Variants in TTYH2 observed in about 807,000 individuals in gnomAD.
The protein encoded by TTYH2 is tweety family member 2, also known as protein tweety homolog 2.
A neutral mutation model predicts 68.3 loss-of-function variants in TTYH2; 49 were observed. The ratio of observed to expected loss-of-function variants is 0.72; its 90% CI spans 0.57 to 0.91. The LOEUF is 0.91. Ranked by LOEUF, TTYH2 falls within the 40% of genes least tolerant of loss-of-function variation. TTYH2 has a pLI of 0.00. For synonymous variants in TTYH2, 272 were observed against 300.8 expected, an observed-to-expected ratio of 0.90 and a Z score of 0.99; for missense variants, 631 against 700.4, an observed-to-expected ratio of 0.90 and a Z score of 1.12.
intron 2 of TTYH2, among the ~76,000 whole-genome samples, chr17:74,226,667 G>A (rs189999440): frequency 7.5e-4 from 114 of 152,236 alleles, no homozygotes; most frequent in Non-Finnish European, 1.3e-3. Context: ...ACCTGAAAGC[G>A]GGGGATTGAA....
At chr17:74,240,958 T>C (rs1464057433) in intron 4 of TTYH2, 1 of 152,248 alleles carries the variant, frequency 6.6e-6, no homozygotes, top group Non-Finnish European at 1.5e-5. Flanking sequence ...TTCCTGCTGC[T>C]CTGCAGAGCG....
At position 74,239,522 on chromosome 17, in the gene TTYH2, A is replaced by G. The variant is rs2050478355; in HGVS notation, c.635+2008A>G. Among the ~76,000 whole-genome samples, 1 of 152,170 alleles carries G rather than the reference A, an allele frequency of 6.6e-6. No homozygotes were observed. The highest frequency in any genetic ancestry group is 6.5e-5 in the Admixed American group (1 of 15,280). ...CCCTTGTGTCATAAAGCCCCACTCC[A>G]GGAGGTCACTGCTGGACTGAGTCCA... On this transcript the variant is annotated intron_variant, in intron 4 of 13. Coordinates refer to ENST00000269346, the MANE Select transcript of TTYH2 (RefSeq NM_032646.6). This position sits in a 1 kb window ranked among gnomAD's most constrained non-coding sequence, Gnocchi z 5.3.
At chr17:74,248,574 G>A in intron 6 of TTYH2, 1 of 1,028,870 alleles carries the variant, frequency 9.7e-7, no homozygotes, top group Non-Finnish European at 1.2e-6. Context: ...CTTGATCATA[G>A]CAAGACAAAA....
At chr17:74,243,212 C>T (rs547365274) in intron 4 of TTYH2, among the ~76,000 whole-genome samples, 162 bp from the exon 5 acceptor site, 35 of 152,200 alleles carry the variant, frequency 2.3e-4, no homozygotes, top group South Asian at 1.0e-3. Context: ...GTGCAGCTCC[C>T]GAGGCTTCAG....
Position 74,258,297 on chromosome 17 carries a change from C to T in TTYH2, c.1525-1832C>T, listed in dbSNP as rs535019950. On this transcript the variant is annotated intron_variant, in intron 13 of 13. Transcript: ENST00000269346. ...TTTGTTTTTTTGAGACTGAGTTTCA[C>T]TCTTGTTGCCCAGGCTGGAGTGCAG... Among the ~76,000 whole-genome samples the T allele has an allele frequency of 7.9e-5, 12 of 152,014 alleles. 1 individual carries two copies. In the South Asian group the frequency reaches 2.3e-3, roughly 29 times the overall value.
Position 74,239,089 on chromosome 17 carries a change from G to A in TTYH2, c.635+1575G>A, listed in dbSNP as rs944222632. On this transcript the variant is annotated intron_variant, in intron 4 of 13. Transcript: ENST00000269346. The surrounding 1 kb of genome is among the most constrained non-coding windows in gnomAD (Gnocchi z 5.3). ...CTTAGGTGTACAAACTCATGCCCGT[G>A]TCATCTGACCTCTGGGGCTTTGTTT... 6.6e-6 allele frequency among the ~76,000 whole-genome samples: 1 copy of A among 152,102 alleles called. No homozygotes were observed. Among genetic ancestry groups the A allele is most frequent in the Admixed American group, 6.5e-5 (1 of 15,278 alleles).
At chr17:74,249,601 G>C (rs1409032332) in intron 8 of TTYH2, among the ~76,000 whole-genome samples, 1 of 152,216 alleles carries the variant, frequency 6.6e-6, no homozygotes. Context: ...CTCAATGCGG[G>C]AGCTAGTTCC....
At position 74,241,818 on chromosome 17, in the gene TTYH2, C is replaced by T. The variant is rs563709730; in HGVS notation, c.636-1556C>T. Among the ~76,000 whole-genome samples the T allele has an allele frequency of 3.3e-5, 5 of 152,326 alleles. No individual in the cohort carries two copies. Among genetic ancestry groups the T allele is most frequent in the Middle Eastern group, 3.4e-3 (1 of 294 alleles). On this transcript the variant is annotated intron_variant, in intron 4 of 13. Coordinates refer to ENST00000269346, the MANE Select transcript of TTYH2 (RefSeq NM_032646.6). The surrounding 1 kb of genome is among the most constrained non-coding windows in gnomAD (Gnocchi z 4.1). ...CCCGCCCCTCCTCTGTCCACTCTCC[C>T]GCTGGTGCCCAGCACAGGGTAAAGG... is the stretch of plus-strand genomic sequence containing the variant.
chr17:74,237,491 G>C lies in TTYH2; in HGVS notation c.612G>C (p.Gln204His). Residue 204 changes from glutamine to histidine, a missense_variant, in exon 4 of 14, where the codon CAG (glutamine) becomes CAC (histidine). Physicochemically the swap from Gln to His is conservative, Grantham distance 24. Transcript: ENST00000269346. ...VTMELTKLSD[Q>H]TGYVEYYRWL... is the part of the protein sequence containing the mutation. Reference sequence around the variant, plus strand: ...TGGAGCTGACCAAGCTATCCGACCAGACTGGCTACGTGGAGTACTACAGGT... The same window carrying C: ...TGGAGCTGACCAAGCTATCCGACCACACTGGCTACGTGGAGTACTACAGGT... The C allele has an allele frequency of 6.2e-7, 1 of 1,613,214 alleles. No homozygotes were observed. The highest frequency in any genetic ancestry group is 8.5e-7 in the Non-Finnish European group (1 of 1,179,402).
intron 10 of TTYH2, 70 bp downstream of exon 10, chr17:74,250,427 G>A (rs2050610387): frequency 7.6e-7 from 1 of 1,309,308 alleles, no homozygotes; most frequent in Admixed American, 2.1e-5. Flanking sequence ...CCAGAGAAAA[G>A]CCGGTAGAGG....
chr17:74,233,462 A>G (rs1205250423), intron 3 of TTYH2, among the ~76,000 whole-genome samples: 1 of 152,218 alleles, frequency 6.6e-6, no homozygotes, highest in African/African-American at 2.4e-5. Context: ...GCTATTAATT[A>G]CTGTAATCAC....
At chr17:74,228,782 C>G (rs2050358233) in intron 2 of TTYH2, among the ~76,000 whole-genome samples, 1 of 152,186 alleles carries the variant, frequency 6.6e-6, no homozygotes, top group South Asian at 2.1e-4. Context: ...CCCTGCTGCG[C>G]TCAGAGCTGA....
At chr17:74,254,403 G>C (rs2050672171) in intron 13 of TTYH2, among the ~76,000 whole-genome samples, 1 of 152,098 alleles carries the variant, frequency 6.6e-6, no homozygotes, top group Non-Finnish European at 1.5e-5. Context: ...TCTGACCTCA[G>C]GTGATCCACC....
Position 74,215,524 on chromosome 17 carries a change from C to G in TTYH2, c.129+1808C>G, listed in dbSNP as rs546362302. ...CCCCGGCTCACTTTGTGCTGGGCATCAAATGGTTCCAGAGGGTGTCCCTTC... is the reference window on the plus strand; with the variant it reads ...CCCCGGCTCACTTTGTGCTGGGCATGAAATGGTTCCAGAGGGTGTCCCTTC... On this transcript the variant is annotated intron_variant, in intron 1 of 13. Transcript: ENST00000269346. The surrounding 1 kb of genome is among the most constrained non-coding windows in gnomAD (Gnocchi z 4.3). 7.9e-5 allele frequency: 85 copies of G among 1,073,276 alleles called. No individual in the cohort carries two copies. The highest frequency in any genetic ancestry group is 1.0e-4 in the Non-Finnish European group (76 of 753,894). 66.5% of individuals were successfully genotyped at this position (1,073,276 alleles called of 1,614,324 possible). A position where few individuals can be genotyped will look rare whatever the true frequency, so the allele number is the denominator to read the frequency against.
At chr17:74,244,864 G>A (rs944016166) in intron 6 of TTYH2, among the ~76,000 whole-genome samples, 2 of 111,048 alleles carry the variant, frequency 1.8e-5, no homozygotes, top group African/African-American at 6.4e-5. Context: ...CAGTGTGTGT[G>A]TGTGTGTGTG....
chr17:74,260,496 C>T lies in TTYH2; in HGVS notation c.*287C>T. 2 of 448,942 alleles carry T rather than the reference C, an allele frequency of 4.5e-6. No homozygotes were observed. Among genetic ancestry groups the T allele is most frequent in the South Asian group, 4.7e-5 (2 of 42,510 alleles). 27.8% of individuals were successfully genotyped at this position (448,942 alleles called of 1,614,324 possible). A position where few individuals can be genotyped will look rare whatever the true frequency, so the allele number is the denominator to read the frequency against. On this transcript the variant is annotated 3_prime_UTR_variant, in exon 14 of 14. Coordinates refer to ENST00000269346, the MANE Select transcript of TTYH2 (RefSeq NM_032646.6). ...GCTGGCTGCCTGGCCCTGCTCACCC[C>T]TACGCCTCGCCCTTGCCAGGAGGGG...
At chr17:74,260,083 C>A in intron 13 of TTYH2, 46 bp from the exon 14 acceptor site, 1 of 1,576,460 alleles carries the variant, frequency 6.3e-7, no homozygotes, top group Non-Finnish European at 8.7e-7. Flanking sequence ...TGGTGCAGTG[C>A]TTGGCTGACT....
At chr17:74,220,753 T>C (rs934075360) in intron 1 of TTYH2, among the ~76,000 whole-genome samples, 22 of 150,622 alleles carry the variant, frequency 1.5e-4, no homozygotes, top group Non-Finnish European at 2.9e-4. Flanking sequence ...GAGAGGGAGG[T>C]GCCCAGATCT....
intron 2 of TTYH2, among the ~76,000 whole-genome samples, chr17:74,227,635 G>A (rs1247127980): frequency 2.0e-5 from 3 of 152,112 alleles, no homozygotes; most frequent in Admixed American, 6.6e-5. Flanking sequence ...TTCAAAGCTA[G>A]TTACACAACT....
Sources: allele counts gnomAD v4.1 joint callset (sites outside exome capture counted in the v4.1 genomes callset), GRCh38; gene constraint gnomAD v4.1.1; non-coding constraint Gnocchi (gnomAD v3.1); transcripts MANE v1.5; gene names NCBI Gene and HGNC (gene_info 2026-07-23, HGNC 2026-07-21).